The following ATAD2B variants were observed in gnomAD, a reference collection of about 807,000 sequenced individuals.
ATAD2B encodes the protein ATPase family AAA domain containing 2B, also known as ATPase family AAA domain-containing protein 2B.
Under a neutral mutation model 167.6 loss-of-function variants are expected in ATAD2B, and 40 were observed. The observed-to-expected ratio is 0.24, with a 90% CI of 0.19 to 0.31. The LOEUF (loss-of-function observed/expected upper bound fraction) is 0.31. ATAD2B is among the 10% of genes least tolerant of loss of function. The pLI, the probability that ATAD2B is intolerant of heterozygous loss-of-function variation, is 1.00. For missense variants in ATAD2B, 1,242 were observed against 1,757.2 expected (o/e 0.71, Z 5.24); for synonymous variants, 579 against 596.5 (o/e 0.97, Z 0.43).
At chr2:23,924,132 C>A (rs895460718) in intron 1 of ATAD2B, among the ~76,000 whole-genome samples, 1 of 151,988 alleles carries the variant, frequency 6.6e-6, no homozygotes, top group African/African-American at 2.4e-5. Context: ...TGCAGTGAGC[C>A]GAGATCGCGC....
At position 23,869,649 on chromosome 2, in the gene ATAD2B, C is replaced by T; in HGVS notation, c.1076+14G>A. 6 of 1,529,308 alleles carry T rather than the reference C, an allele frequency of 3.9e-6. No individual in the cohort carries two copies. The highest frequency in any genetic ancestry group is 5.3e-6 in the Non-Finnish European group (6 of 1,125,914). 94.7% of individuals were successfully genotyped at this position (1,529,308 alleles called of 1,614,324 possible). A position where few individuals can be genotyped will look rare whatever the true frequency, so the allele number is the denominator to read the frequency against. On this transcript the variant is annotated intron_variant, in intron 9 of 27. Transcript: ENST00000238789. The stretch of plus-strand genomic sequence containing the variant: ...TTTTTCTACCATGGAAATAACATTA[C>T]AAATTTTACTAACCTATTTCTTGCT...
the ATAD2B span, among the ~76,000 whole-genome samples, chr2:23,728,458 A>C: frequency 1.3e-5 from 2 of 152,322 alleles, no homozygotes; most frequent in East Asian, 3.9e-4. Context: ...TTTTGTGACT[A>C]TGTTAATATT....
At chr2:23,919,167 A>T (rs563471535) in intron 1 of ATAD2B, among the ~76,000 whole-genome samples, 1 of 148,770 alleles carries the variant, frequency 6.7e-6, no homozygotes, top group African/African-American at 2.4e-5. Context: ...ACATAAAAAG[A>T]CCCCATCTCT....
intron 17 of ATAD2B, 23 bp from the exon 18 acceptor site, chr2:23,810,525 T>A: frequency 6.3e-7 from 1 of 1,585,910 alleles, no homozygotes; most frequent in South Asian, 1.1e-5. Context: ...TAAGACATAA[T>A]TATTTCAAAG....
the ATAD2B span, among the ~76,000 whole-genome samples, chr2:23,680,517 A>G: frequency 1.1e-4 from 17 of 152,310 alleles, no homozygotes; most frequent in Non-Finnish European, 2.5e-4. The surrounding 1 kb of genome is among the most constrained non-coding windows in gnomAD (Gnocchi z 4.1). Flanking sequence ...GGGCCGACCA[A>G]CAGGGACAGA....
At chr2:23,895,006 T>A (rs1699998112) in intron 2 of ATAD2B, among the ~76,000 whole-genome samples, 1 of 152,102 alleles carries the variant, frequency 6.6e-6, no homozygotes, top group Non-Finnish European at 1.5e-5. Flanking sequence ...GTATCCAGAA[T>A]TTACCTACAC....
At chr2:23,844,240 G>A (rs182081305) in intron 13 of ATAD2B, among the ~76,000 whole-genome samples, 18 of 151,710 alleles carry the variant, frequency 1.2e-4, no homozygotes, top group African/African-American at 3.4e-4. Context: ...GCGCCCAGCC[G>A]ACAAATCTTA....
intron 22 of ATAD2B, among the ~76,000 whole-genome samples, chr2:23,775,657 A>G (rs1678992212): frequency 1.3e-5 from 2 of 152,232 alleles, no homozygotes; most frequent in African/African-American, 4.8e-5. Context: ...GATACATTTG[A>G]CAAGGGTCCT....
intron 22 of ATAD2B, among the ~76,000 whole-genome samples, chr2:23,767,044 T>C (rs146759379): frequency 0.015 from 2,258 of 152,326 alleles, 27 homozygotes; most frequent in Middle Eastern, 0.027. Flanking sequence ...TCTAAATTTC[T>C]TTTCAAAGAA....
At chr2:23,691,509 T>A in the ATAD2B span, 1 of 616,860 alleles carries the variant, frequency 1.6e-6, no homozygotes. Flanking sequence ...ACTCTTCTCT[T>A]TCAGATCCCG....
the ATAD2B span, chr2:23,696,304 G>A: frequency 1.4e-5 from 21 of 1,548,500 alleles, no homozygotes; most frequent in African/African-American, 2.1e-4. The surrounding 1 kb of genome is among the most constrained non-coding windows in gnomAD (Gnocchi z 5.5). Context: ...CACCCCGCCC[G>A]CTCTCTCTGC....
At chr2:23,742,267 C>A in the ATAD2B span, among the ~76,000 whole-genome samples, 39 of 152,068 alleles carry the variant, frequency 2.6e-4, no homozygotes, top group African/African-American at 8.9e-4. Context: ...ATGTTTACAG[C>A]GGCACTATTC....
At chr2:23,777,348 ATATATCTATATC>A (rs71402507) in intron 22 of ATAD2B, among the ~76,000 whole-genome samples, 29 of 146,332 alleles carry the variant, frequency 2.0e-4, no homozygotes, top group South Asian at 4.5e-4. Context: ...CATAATACTG[ATATATCTATATC>A]TATATCTATA....
Position 23,788,614 on chromosome 2 carries a change from C to T in ATAD2B, c.2674G>A (p.Val892Ile). Residue 892 changes from valine (V) to isoleucine (I), a missense_variant, in exon 20 of 28, where the codon GTC (valine) becomes ATC (isoleucine). Physicochemically the swap from Val to Ile is conservative, Grantham distance 29. Coordinates refer to ENST00000238789, the MANE Select transcript of ATAD2B (RefSeq NM_017552.4). ...KCIFRIQYEE[V>I]LYIQRPIEED... ...TCAATAGGCCTTTGAATATACAAGACCTCTTCATACTGTATTCTAAAGATA... is the reference window on the plus strand; with the variant it reads ...TCAATAGGCCTTTGAATATACAAGATCTCTTCATACTGTATTCTAAAGATA... 1 of 1,600,194 alleles carries T rather than the reference C, an allele frequency of 6.2e-7. No homozygotes were observed.
the ATAD2B span, chr2:23,703,093 G>A: frequency 1.9e-5 from 17 of 904,900 alleles, no homozygotes; most frequent in South Asian, 1.9e-4. Flanking sequence ...TGCTGAGGGC[G>A]AGGAGCAGAT....
At chr2:23,833,788 A>T in intron 14 of ATAD2B, 131 bp downstream of exon 14, 2 of 718,654 alleles carry the variant, frequency 2.8e-6, no homozygotes, top group Non-Finnish European at 4.3e-6. Flanking sequence ...ATAGGTTTTT[A>T]AAGCATTAGC....
the ATAD2B span, among the ~76,000 whole-genome samples, chr2:23,711,600 A>C: frequency 6.6e-6 from 1 of 151,706 alleles, no homozygotes; most frequent in African/African-American, 2.4e-5. Flanking sequence ...CGAATTCCTG[A>C]CCTCAGGTGA....
chr2:23,721,291 A>T, the ATAD2B span, among the ~76,000 whole-genome samples: 1 of 152,208 alleles, frequency 6.6e-6, no homozygotes, highest in African/African-American at 2.4e-5. Context: ...TATGCCCACA[A>T]TCAGAGCATG....
intron 1 of ATAD2B, among the ~76,000 whole-genome samples, chr2:23,908,227 T>C (rs997953073): frequency 4.6e-5 from 7 of 151,880 alleles, no homozygotes; most frequent in Middle Eastern, 3.2e-3. Context: ...GAGAAAATTT[T>C]CGCAACCTAC....
Sources: allele counts gnomAD v4.1 joint callset (sites outside exome capture counted in the v4.1 genomes callset), GRCh38; gene constraint gnomAD v4.1.1; non-coding constraint Gnocchi (gnomAD v3.1); transcripts MANE v1.5; gene names NCBI Gene and HGNC (gene_info 2026-07-23, HGNC 2026-07-21).